The following IGF2BP2 variants were observed in gnomAD, a reference collection of about 807,000 sequenced individuals.
IGF2BP2 encodes the protein insulin-like growth factor 2 mRNA-binding protein 2.
Under a neutral mutation model 75.8 loss-of-function variants are expected in IGF2BP2, and 17 were observed. That is an observed-to-expected ratio of 0.22 (90% CI 0.15 to 0.34). The LOEUF (loss-of-function observed/expected upper bound fraction) is 0.34. Among genes scored for constraint, IGF2BP2 ranks in the 10% least tolerant of loss-of-function variants. The pLI is 1.00. For synonymous variants in IGF2BP2, 288 were observed against 295.6 expected (o/e 0.97, Z 0.26); for missense variants, 516 against 772.4 (o/e 0.67, Z 3.93).
chr3:185,647,090 C>T lies in IGF2BP2; in HGVS notation c.1642G>A (p.Asp548Asn), dbSNP rs1366445376. 6.2e-7 allele frequency: 1 copy of T among 1,614,156 alleles called. No homozygotes were observed. The highest frequency in any genetic ancestry group is 2.2e-5 in the East Asian group (1 of 44,880). Residue 548 changes from aspartate to asparagine, a missense_variant, in exon 15 of 16, where the codon GAC (aspartate) becomes AAC (asparagine). Asp to Asn is a conservative substitution (Grantham distance 23). Transcript: ENST00000382199. The surrounding 1 kb of genome is among the most constrained non-coding windows in gnomAD (Gnocchi z 4.9). ...TCCTCATTTTCATCTGGCGTTTGGT[C>T]ACGAGGCACGATGACTTCTGCACTG... is the stretch of plus-strand genomic sequence containing the variant. ...LTSAEVIVPR[D>N]QTPDENEEVI... is the part of the protein sequence containing the mutation.
intron 2 of IGF2BP2, among the ~76,000 whole-genome samples, chr3:185,817,412 A>G (rs990075578): frequency 3.3e-5 from 5 of 152,206 alleles, no homozygotes; most frequent in Non-Finnish European, 5.9e-5. Context: ...AAATTAAAGA[A>G]ATAATTATTG....
At chr3:185,718,259 T>C (rs1725951352) in intron 2 of IGF2BP2, 1 of 152,244 alleles carries the variant, frequency 6.6e-6, no homozygotes, top group Non-Finnish European at 1.5e-5. Flanking sequence ...CAGGGCCTAA[T>C]ATATCTGTAA....
intron 10 of IGF2BP2, among the ~76,000 whole-genome samples, chr3:185,660,442 CT>C (rs1211735608): frequency 6.6e-6 from 1 of 152,164 alleles, no homozygotes; most frequent in East Asian, 1.9e-4. Context: ...AACCGTTGCC[CT>C]TTTTGAGCTT....
intron 4 of IGF2BP2, 37 bp downstream of exon 4, chr3:185,696,575 C>A (rs769831571): frequency 5.1e-6 from 8 of 1,563,052 alleles, no homozygotes; most frequent in East Asian, 4.5e-5. Flanking sequence ...CAGATAATAT[C>A]TCTCTCCAAA....
Position 185,711,638 on chromosome 3 carries a change from G to A in IGF2BP2, c.240-13291C>T, listed in dbSNP as rs960807804. Among the ~76,000 whole-genome samples, 4 of 152,204 alleles carry A rather than the reference G, an allele frequency of 2.6e-5. No homozygotes were observed. In the East Asian group the frequency reaches 7.7e-4, roughly 29 times the overall value. The stretch of plus-strand genomic sequence containing the variant: ...ATACCTGAAGTGAATAACGGTGAAC[G>A]ACCTACCTGGCTCAGCAGGTGGCCA... On this transcript the variant is annotated intron_variant, in intron 2 of 15. Coordinates refer to ENST00000382199, the MANE Select transcript of IGF2BP2 (RefSeq NM_006548.6).
chr3:185,791,976 G>A (rs1736699931), intron 2 of IGF2BP2, among the ~76,000 whole-genome samples: 1 of 152,206 alleles, frequency 6.6e-6, no homozygotes, highest in Admixed American at 6.5e-5. Flanking sequence ...GGGAAGGAAA[G>A]ATGGGAGGTG....
chr3:185,789,825 C>T (rs753826885), intron 2 of IGF2BP2, among the ~76,000 whole-genome samples: 7 of 150,996 alleles, frequency 4.6e-5, no homozygotes, highest in Non-Finnish European at 8.8e-5. Context: ...CCTCCAACAC[C>T]CAGGTTCGAG....
At chr3:185,662,981 C>T (rs943413889) in intron 10 of IGF2BP2, among the ~76,000 whole-genome samples, 5 of 152,178 alleles carry the variant, frequency 3.3e-5, no homozygotes, top group Admixed American at 1.3e-4. Flanking sequence ...CACCCAGCCC[C>T]ATTCCCATAC....
At chr3:185,824,531 T>G (rs1027156356) in intron 1 of IGF2BP2, among the ~76,000 whole-genome samples, 3 of 129,710 alleles carry the variant, frequency 2.3e-5, no homozygotes, top group African/African-American at 8.8e-5. Context: ...TCGGGAGCCT[T>G]CGGAGCGGCA....
chr3:185,700,815 G>A (rs183954368), intron 2 of IGF2BP2, among the ~76,000 whole-genome samples: 2 of 151,962 alleles, frequency 1.3e-5, no homozygotes, highest in African/African-American at 4.8e-5. Flanking sequence ...ATTTACCAAC[G>A]AGAGATGAAT....
chr3:185,668,402 C>T (rs1045060199), intron 10 of IGF2BP2, among the ~76,000 whole-genome samples: 4 of 149,716 alleles, frequency 2.7e-5, no homozygotes, highest in African/African-American at 7.4e-5. Context: ...ACTTCTAGGG[C>T]GGGGGTATTG....
At chr3:185,792,622 C>T (rs1395469318) in intron 2 of IGF2BP2, among the ~76,000 whole-genome samples, 1 of 151,762 alleles carries the variant, frequency 6.6e-6, no homozygotes, top group East Asian at 1.9e-4. Flanking sequence ...AAAAAGTTAG[C>T]CGGGCCTGGT....
chr3:185,731,576 G>A (rs1285116463), intron 2 of IGF2BP2, among the ~76,000 whole-genome samples: 2 of 152,130 alleles, frequency 1.3e-5, no homozygotes, highest in Non-Finnish European at 2.9e-5. Context: ...AGGTGACGGA[G>A]GGGAGCCATG....
At position 185,696,745 on chromosome 3, in the gene IGF2BP2, CAAATT is replaced by C. The variant is rs1053723578; in HGVS notation, c.289-87_289-83del. The C allele has an allele frequency of 3.6e-6, 4 of 1,097,578 alleles. No individual in the cohort carries two copies. In the African/African-American group the frequency reaches 6.3e-5, roughly 17 times the overall value. 68.0% of individuals were successfully genotyped at this position (1,097,578 alleles called of 1,614,324 possible). On this transcript the variant is annotated intron_variant, in intron 3 of 15. Transcript: ENST00000382199. ...TACTACAGTGATATACCCCAGCAAA[CAAATT>C]AAAGGAAAAAAAAGATGGTTATAGG... is the stretch of plus-strand genomic sequence containing the variant.
chr3:185,692,046 T>C (rs1722018673), intron 5 of IGF2BP2, among the ~76,000 whole-genome samples: 1 of 152,216 alleles, frequency 6.6e-6, no homozygotes, highest in Non-Finnish European at 1.5e-5. Flanking sequence ...CATTGTTTTT[T>C]AAGAGACTTG....
chr3:185,672,869 G>T (rs2149218457), intron 9 of IGF2BP2, among the ~76,000 whole-genome samples, 200 bp from the exon 10 acceptor site: 1 of 152,142 alleles, frequency 6.6e-6, no homozygotes, highest in South Asian at 2.1e-4. Flanking sequence ...TGCCACACTT[G>T]GGCATGTCTA....
chr3:185,823,277 G>A, intron 1 of IGF2BP2, 64 bp from the exon 2 acceptor site: 1 of 1,288,324 alleles, frequency 7.8e-7, no homozygotes, highest in Non-Finnish European at 1.1e-6. Flanking sequence ...GGTCTAGGGG[G>A]GGCACGCACG....
chr3:185,695,210 G>A (rs1275508972), intron 4 of IGF2BP2, among the ~76,000 whole-genome samples: 1 of 152,202 alleles, frequency 6.6e-6, no homozygotes, highest in East Asian at 1.9e-4. Flanking sequence ...TGGGCAGGCA[G>A]CAGCATAAAC....
At chr3:185,694,624 G>T (rs1286888331) in intron 4 of IGF2BP2, among the ~76,000 whole-genome samples, 1 of 152,332 alleles carries the variant, frequency 6.6e-6, no homozygotes, top group African/African-American at 2.4e-5. Context: ...GCTGGAAACT[G>T]GGGGGTCTCC....
Sources: allele counts gnomAD v4.1 joint callset (sites outside exome capture counted in the v4.1 genomes callset), GRCh38; gene constraint gnomAD v4.1.1; non-coding constraint Gnocchi (gnomAD v3.1); transcripts MANE v1.5; gene names NCBI Gene and HGNC (gene_info 2026-07-23, HGNC 2026-07-21).